The following RMC1 variants were observed in gnomAD, a reference collection of about 807,000 sequenced individuals.
RMC1 encodes regulator of MON1-CCZ1, also known as regulator of MON1-CCZ1 complex.
RMC1 carries 44 observed loss-of-function variants against 95.5 expected under a neutral mutation model. The ratio of observed to expected loss-of-function variants is 0.46; its 90% confidence interval spans 0.36 to 0.59. The LOEUF (loss-of-function observed/expected upper bound fraction) is 0.59. Among genes scored for constraint, RMC1 ranks in the 20% least tolerant of loss-of-function variants. RMC1 has a pLI of 0.00. For synonymous variants in RMC1, 320 were observed against 303.6 expected, an observed-to-expected ratio of 1.05 and a Z score of -0.56; for missense variants, 705 against 819.6, an observed-to-expected ratio of 0.86 and a Z score of 1.71.
At chr18:23,516,724 C>CTTTT (rs1567920926) in intron 7 of RMC1, among the ~76,000 whole-genome samples, 1 of 140,438 alleles carries the variant, frequency 7.1e-6, no homozygotes. Flanking sequence ...AGAATTTCTT[C>CTTTT]TTCTTTTTTT....
At chr18:23,512,490 G>A (rs1209834378) in intron 5 of RMC1, among the ~76,000 whole-genome samples, 6 of 151,718 alleles carry the variant, frequency 4.0e-5, no homozygotes, top group African/African-American at 1.5e-4. Context: ...GCACAATCAC[G>A]GCTCACTGCA....
intron 12 of RMC1, among the ~76,000 whole-genome samples, chr18:23,525,165 C>G (rs568347725): frequency 2.2e-4 from 33 of 151,740 alleles, no homozygotes; most frequent in African/African-American, 7.5e-4. Flanking sequence ...AGGCTGGTCT[C>G]AAACTCCCAA....
intron 4 of RMC1, 75 bp from the exon 5 acceptor site, chr18:23,509,118 T>C: frequency 4.1e-6 from 2 of 491,388 alleles, no homozygotes; most frequent in Non-Finnish European, 6.6e-6. Flanking sequence ...AACTGCAGAG[T>C]TTGTGAAGCT....
intron 5 of RMC1, among the ~76,000 whole-genome samples, chr18:23,514,659 G>A (rs2057952818): frequency 6.6e-6 from 1 of 152,190 alleles, no homozygotes; most frequent in Non-Finnish European, 1.5e-5. Context: ...TGATTGCATG[G>A]GAAGGATGGC....
At chr18:23,510,322 CA>C (rs1041112782) in intron 5 of RMC1, among the ~76,000 whole-genome samples, 47 of 133,946 alleles carry the variant, frequency 3.5e-4, no homozygotes, top group African/African-American at 6.0e-4. Flanking sequence ...GACCCCATCT[CA>C]AAAAAAAAAA....
At chr18:23,521,659 A>C (rs2058143474) in intron 10 of RMC1, among the ~76,000 whole-genome samples, 1 of 150,706 alleles carries the variant, frequency 6.6e-6, no homozygotes, top group Non-Finnish European at 1.5e-5. Context: ...TGATTTTAAG[A>C]TAGAACTGAA....
chr18:23,529,309 G>C lies in RMC1; in HGVS notation c.1416+11G>C. On this transcript the variant is annotated intron_variant, in intron 15 of 19. Transcript: ENST00000269221. ...TTTGTGGAAAAGAAGGTGGGCTGCA[G>C]CTTTCCGCCTCTTCTGGACTGAGAA... 1.2e-6 allele frequency: 2 copies of C among 1,602,764 alleles called. No individual in the cohort carries two copies. Among genetic ancestry groups the C allele is most frequent in the Non-Finnish European group, 1.7e-6 (2 of 1,177,462 alleles).
chr18:23,521,825 A>G (rs1222785555), intron 10 of RMC1, among the ~76,000 whole-genome samples: 2 of 151,842 alleles, frequency 1.3e-5, no homozygotes, highest in African/African-American at 2.4e-5. Context: ...GCAGATGGCC[A>G]CCTTCTCACT....
rs1443565541 is a variant in RMC1, at chr18:23,525,073, A to G, written c.1060+591A>G. Among the ~76,000 whole-genome samples the G allele has an allele frequency of 4.7e-5, 7 of 148,110 alleles. No homozygotes were observed. The Admixed American group carries it at 4.9e-4, about 10-fold the overall frequency. ...GCGATTCTCCTGCCTCAGCCTCCTG[A>G]ATAGCTGGGATTACAGGCATGTGCC... On this transcript the variant is annotated intron_variant, in intron 12 of 19. Transcript: ENST00000269221.
At chr18:23,517,337 A>G (rs2058035030) in intron 7 of RMC1, among the ~76,000 whole-genome samples, 1 of 151,836 alleles carries the variant, frequency 6.6e-6, no homozygotes, top group African/African-American at 2.4e-5. Context: ...TTTAGTAGAG[A>G]CAGGGTTTCA....
chr18:23,530,140 T>C lies in RMC1; in HGVS notation c.1599+8T>C, dbSNP rs1272739277. The C allele has an allele frequency of 1.9e-6, 3 of 1,613,776 alleles. No individual in the cohort carries two copies. Among genetic ancestry groups the C allele is most frequent in the African/African-American group, 2.7e-5 (2 of 74,934 alleles). ...AGCGACTCCAAACCTTTGGTATGCA[T>C]TGCCAGATTTTTACTTCCATTGTGG... On this transcript the variant is annotated splice_region_variant and intron_variant, in intron 17 of 19. Transcript: ENST00000269221.
At chr18:23,508,972 C>A (rs2057780655) in intron 4 of RMC1, among the ~76,000 whole-genome samples, 1 of 152,132 alleles carries the variant, frequency 6.6e-6, no homozygotes, top group African/African-American at 2.4e-5. Flanking sequence ...TTCTCCTGTT[C>A]TGTTTAGTAG....
upstream of RMC1, chr18:23,503,504 C>A (rs985780018): frequency 1.2e-5 from 7 of 576,856 alleles, no homozygotes; most frequent in African/African-American, 2.0e-5. Context: ...GCGTCCGCGC[C>A]GGGCCCAGAG....
In RMC1 at chr18:23,530,444, T is replaced by G; in HGVS notation, c.1726T>G (p.Leu576Val). 6.2e-7 allele frequency: 1 copy of G among 1,614,290 alleles called. No homozygotes were observed. The highest frequency in any genetic ancestry group is 8.5e-7 in the Non-Finnish European group (1 of 1,180,054). The change falls in exon 19 of 20, where the codon TTA (leucine) becomes GTA (valine). Residue 576 changes from leucine (L) to valine (V), a missense_variant. Coordinates refer to ENST00000269221, the MANE Select transcript of RMC1 (RefSeq NM_013326.5). ...VEVLLSKHQV[L>V]AALRFIRGIG... ...AGTTCTCCTTTCCAAACACCAAGTGTTAGCTGCCTTAAGGTTTATCCGGGG... is the reference window on the plus strand; with the variant it reads ...AGTTCTCCTTTCCAAACACCAAGTGGTAGCTGCCTTAAGGTTTATCCGGGG...
Position 23,529,539 on chromosome 18 carries a change from T to G in RMC1, c.1417-96T>G, listed in dbSNP as rs1476222065. 3.1e-6 allele frequency: 4 copies of G among 1,309,072 alleles called. No individual in the cohort carries two copies. The East Asian group carries it at 9.2e-5, about 30-fold the overall frequency. 81.1% of individuals were successfully genotyped at this position (1,309,072 alleles called of 1,614,324 possible). ...AGTGAAAGATGAACACTGGGCCATT[T>G]TAAGATGGAAACAAGGTGGGGGTTG... On this transcript the variant is annotated intron_variant, in intron 15 of 19. Transcript: ENST00000269221.
chr18:23,518,532 G>C (rs1282142951), intron 7 of RMC1, among the ~76,000 whole-genome samples: 1 of 151,948 alleles, frequency 6.6e-6, no homozygotes, highest in Non-Finnish European at 1.5e-5. Context: ...ATATTTTCCT[G>C]TTATTAAGGA....
chr18:23,527,065 C>CA (rs2058318645), intron 13 of RMC1, among the ~76,000 whole-genome samples: 1 of 151,986 alleles, frequency 6.6e-6, no homozygotes, highest in Admixed American at 6.5e-5. Context: ...CCAAGCCACT[C>CA]ACTGCATATG....
At chr18:23,530,973 T>C (rs1315063724) in intron 19 of RMC1, among the ~76,000 whole-genome samples, 1 of 152,144 alleles carries the variant, frequency 6.6e-6, no homozygotes, top group African/African-American at 2.4e-5. Context: ...GTTTCAGTTT[T>C]ATGAAGTATA....
At chr18:23,529,761 A>G in intron 16 of RMC1, 49 bp downstream of exon 16, 1 of 1,534,868 alleles carries the variant, frequency 6.5e-7, no homozygotes, top group East Asian at 2.2e-5. Flanking sequence ...GAATTTAAAA[A>G]AAAAACACAG....
Sources: gnomAD v4.1 joint callset for allele counts (sites outside exome capture counted in the v4.1 genomes callset) on GRCh38, gnomAD v4.1.1 for gene constraint, MANE v1.5 for transcripts, NCBI Gene and HGNC (gene_info 2026-07-23, HGNC 2026-07-21) for gene names.